Variants in PSD3 observed in about 807,000 individuals in gnomAD.
PSD3 encodes PH and SEC7 domain-containing protein 3.
PSD3 carries 49 observed loss-of-function variants against 105.5 expected under a neutral mutation model. That is an observed-to-expected ratio of 0.46 (90% CI 0.37 to 0.59). PSD3 has a LOEUF of 0.59. Among genes scored for constraint, PSD3 ranks in the 20% least tolerant of loss-of-function variants. The pLI is 0.00. For synonymous variants in PSD3, 557 were observed against 457.8 expected, an observed-to-expected ratio of 1.22 and a Z score of -2.77; for missense variants, 1,561 against 1,263.8, an observed-to-expected ratio of 1.24 and a Z score of -3.57.
rs560683104 is a variant in PSD3, at chr8:18,947,124, A to C, written c.22-10982T>G. Among the ~76,000 whole-genome samples, 7 of 152,228 alleles carry C rather than the reference A, an allele frequency of 4.6e-5. 1 individual carries two copies. The South Asian group carries it at 1.0e-3, about 23-fold the overall frequency. On this transcript the variant is annotated intron_variant, in intron 1 of 15. Transcript: ENST00000327040. ...TATTCCAAAAGTCAGTAACAACATC[A>C]AGTAAAAAAGTAAAACTGGGACAGA...
At chr8:18,881,273 T>C (rs1456711275) in intron 2 of PSD3, among the ~76,000 whole-genome samples, 2 of 152,230 alleles carry the variant, frequency 1.3e-5, no homozygotes, top group Non-Finnish European at 2.9e-5. Flanking sequence ...TTGGGTTATA[T>C]ATTAAGTAGT....
chr8:18,839,224 A>C (rs1219303400), intron 4 of PSD3, among the ~76,000 whole-genome samples: 1 of 152,110 alleles, frequency 6.6e-6, no homozygotes, highest in Non-Finnish European at 1.5e-5. Context: ...TGAGTTCATC[A>C]GTTTCTGGCA....
chr8:18,766,626 T>C (rs973599887), intron 8 of PSD3, among the ~76,000 whole-genome samples: 4 of 152,186 alleles, frequency 2.6e-5, no homozygotes, highest in African/African-American at 9.7e-5. Context: ...GTGAAGGATC[T>C]GAGATTTACA....
intron 4 of PSD3, among the ~76,000 whole-genome samples, chr8:18,844,034 TG>T (rs1029967939): frequency 6.6e-6 from 1 of 152,048 alleles, no homozygotes; most frequent in African/African-American, 2.4e-5. Flanking sequence ...TTCTGTCCAT[TG>T]GGTTTTGAGT....
In PSD3 at chr8:18,882,807, G is replaced by GAT. The variant is rs753407097; in HGVS notation, c.131-10076_131-10075dup. 2.7e-4 allele frequency among the ~76,000 whole-genome samples: 41 copies of GAT among 150,540 alleles called. No homozygotes were observed. The South Asian group carries it at 3.6e-3, about 13-fold the overall frequency. Reference sequence around the variant, plus strand: ...CCATACTCCACTATACAGATATATGGATATATATATACATATATATAGCTT... The same window carrying GAT: ...CCATACTCCACTATACAGATATATGGATATATATATATACATATATATAGCTT... On this transcript the variant is annotated intron_variant, in intron 2 of 15. Transcript: ENST00000327040.
At chr8:18,795,020 A>G (rs1428416214) in intron 8 of PSD3, among the ~76,000 whole-genome samples, 2 of 152,248 alleles carry the variant, frequency 1.3e-5, no homozygotes, top group East Asian at 3.9e-4. Context: ...TAGAAAGCCA[A>G]TGCAATAATT....
At position 18,716,045 on chromosome 8, in the gene PSD3, G is replaced by A. The variant is rs531955247; in HGVS notation, c.2172+49404C>T. The stretch of plus-strand genomic sequence containing the variant: ...GTAGGGTAAGAGGACAGAGCATAAC[G>A]GCAGGAGTGGGTGAGTGCTATTTCA... On this transcript the variant is annotated intron_variant, in intron 9 of 15. Transcript: ENST00000327040. 4.1e-4 allele frequency among the ~76,000 whole-genome samples: 63 copies of A among 152,338 alleles called. 2 individuals are homozygous for A. The South Asian group carries it at 0.012, about 29-fold the overall frequency.
intron 9 of PSD3, chr8:18,733,304 T>C (rs1803905900): frequency 6.6e-6 from 1 of 152,254 alleles, no homozygotes; most frequent in Non-Finnish European, 1.5e-5. Context: ...AAGTTCAATG[T>C]TTCTAGCATA....
At chr8:18,799,460 G>A (rs1376848881) in intron 7 of PSD3, 107 bp from the exon 8 acceptor site, 3 of 865,342 alleles carry the variant, frequency 3.5e-6, no homozygotes, top group Non-Finnish European at 5.6e-6. Flanking sequence ...ACAGTACTGT[G>A]CTAGGTACAA....
chr8:18,717,583 T>C (rs529100479), intron 9 of PSD3, among the ~76,000 whole-genome samples: 3 of 152,152 alleles, frequency 2.0e-5, no homozygotes, highest in Non-Finnish European at 4.4e-5. Flanking sequence ...TTTAAACAAA[T>C]TTGTTATATT....
chr8:18,764,859 C>T (rs776741796), intron 9 of PSD3, among the ~76,000 whole-genome samples: 2 of 152,162 alleles, frequency 1.3e-5, no homozygotes, highest in Non-Finnish European at 2.9e-5. Flanking sequence ...CAATCAAATG[C>T]CCATCTCATT....
At chr8:18,620,287 C>T (rs1475833421) in intron 11 of PSD3, among the ~76,000 whole-genome samples, 1 of 151,706 alleles carries the variant, frequency 6.6e-6, no homozygotes, top group African/African-American at 2.4e-5. Flanking sequence ...ATGTATAAAA[C>T]CAAACTGTAA....
intron 13 of PSD3, among the ~76,000 whole-genome samples, chr8:18,574,434 T>C (rs1162667295): frequency 6.6e-6 from 1 of 152,196 alleles, no homozygotes; most frequent in Non-Finnish European, 1.5e-5. Flanking sequence ...TAATTATACA[T>C]CCAGCTATGG....
intron 9 of PSD3, among the ~76,000 whole-genome samples, chr8:18,729,108 C>T (rs2410588): frequency 0.79 from 120,633 of 152,114 alleles, 49,097 homozygotes; most frequent in Non-Finnish European, 0.9. Context: ...CTAACAGAGA[C>T]TAATAAGCAA....
At chr8:18,836,107 C>G (rs1814086995) in intron 4 of PSD3, among the ~76,000 whole-genome samples, 1 of 152,168 alleles carries the variant, frequency 6.6e-6, no homozygotes, top group Admixed American at 6.5e-5. Context: ...TGCTGACATG[C>G]TGAATACTGG....
intron 9 of PSD3, among the ~76,000 whole-genome samples, chr8:18,690,137 T>C (rs1800892523): frequency 6.6e-6 from 1 of 152,052 alleles, no homozygotes; most frequent in South Asian, 2.1e-4. Context: ...AGAAGTGAAA[T>C]AGAGGCCAGC....
intron 1 of PSD3, among the ~76,000 whole-genome samples, chr8:19,043,026 T>C (rs1028149799): frequency 5.3e-5 from 8 of 152,276 alleles, no homozygotes; most frequent in African/African-American, 1.9e-4. Context: ...CCCAATAATC[T>C]GGTTCTTATC....
intron 1 of PSD3, among the ~76,000 whole-genome samples, chr8:19,029,968 T>C (rs1827702692): frequency 6.6e-6 from 1 of 152,352 alleles, no homozygotes; most frequent in Middle Eastern, 3.4e-3. Context: ...AGTTTTATTC[T>C]CTGTAAAGAG....
chr8:18,787,018 T>C (rs932016746), intron 8 of PSD3, among the ~76,000 whole-genome samples: 2 of 152,206 alleles, frequency 1.3e-5, no homozygotes, highest in African/African-American at 4.8e-5. Flanking sequence ...GATTTTTTTC[T>C]CCTTGTCATG....
Sources: allele counts gnomAD v4.1 joint callset (sites outside exome capture counted in the v4.1 genomes callset), GRCh38; gene constraint gnomAD v4.1.1; transcripts MANE v1.5; gene names NCBI Gene and HGNC (gene_info 2026-07-23, HGNC 2026-07-21).